Variants in NBEAL2 observed in about 807,000 individuals in gnomAD.
NBEAL2 encodes the protein neurobeachin-like protein 2.
In NBEAL2, 160 loss-of-function variants were observed where a neutral mutation model predicts 299.8. The ratio of observed to expected loss-of-function variants is 0.53; its 90% confidence interval spans 0.47 to 0.61. The LOEUF (loss-of-function observed/expected upper bound fraction) is 0.61, where lower values mean the gene tolerates loss of function less well. Among genes scored for constraint, NBEAL2 ranks in the 20% least tolerant of loss-of-function variants. NBEAL2 has a pLI of 0.00. For missense variants in NBEAL2, 3,112 were observed against 3,649.0 expected (o/e 0.85, Z 3.79); for synonymous variants, 1,493 against 1,542.3 (o/e 0.97, Z 0.75).
In NBEAL2 at chr3:46,995,296, C is replaced by G; in HGVS notation, c.1561C>G (p.Gln521Glu). The G allele has an allele frequency of 1.9e-6, 3 of 1,574,454 alleles. No individual in the cohort carries two copies. The highest frequency in any genetic ancestry group is 2.7e-5 in the African/African-American group (2 of 74,008). ...CCAAGAGCAGCTGCTGGCACTGCTA[C>G]AAGCACTGGGCCGTGTATCAATAAG... The part of the protein sequence containing the change: ...RCQEQLLALL[Q>E]ALGRVSIRPM... The change falls in exon 13 of 54, where the codon CAA becomes GAA. Residue 521 changes from glutamine (Q) to glutamate (E), a missense_variant. Gln to Glu is a conservative substitution (Grantham distance 29). Coordinates refer to ENST00000450053, the MANE Select transcript of NBEAL2 (RefSeq NM_015175.3).
intron 17 of NBEAL2, 41 bp downstream of exon 17, chr3:46,996,874 T>C: frequency 3.1e-6 from 5 of 1,609,750 alleles, no homozygotes; most frequent in Non-Finnish European, 4.2e-6. Flanking sequence ...TCGACTGTGC[T>C]ACTTCCCCGG....
intron 1 of NBEAL2, among the ~76,000 whole-genome samples, chr3:46,987,586 C>T (rs144030914): frequency 1.3e-5 from 2 of 152,304 alleles, no homozygotes; most frequent in East Asian, 1.9e-4. Context: ...CAGGACATGG[C>T]GGGCGGCGGG....
At position 46,989,458 on chromosome 3, in the gene NBEAL2, A is replaced by T. The variant is rs536437826; in HGVS notation, c.474-53A>T. ...GCCGCGCTGGGCCCAAGGAGGGGTGACGGCCAGGAGTGGTGAGAGCCGGGC... is the reference window on the plus strand; with the variant it reads ...GCCGCGCTGGGCCCAAGGAGGGGTGTCGGCCAGGAGTGGTGAGAGCCGGGC... On this transcript the variant is annotated intron_variant, in intron 5 of 53. Transcript: ENST00000450053. This position sits in a 1 kb window ranked among gnomAD's most constrained non-coding sequence, Gnocchi z 5.5. The T allele has an allele frequency of 3.3e-5, 52 of 1,565,562 alleles. 2 individuals are homozygous for T. The South Asian group carries it at 5.9e-4, about 18-fold the overall frequency.
In NBEAL2 at chr3:47,003,433, T is replaced by G. The variant is rs1312774865; in HGVS notation, c.5720+124T>G. Reference sequence around the variant, plus strand: ...CTTCTGCTGCCCGACTACGTCCCCCTGAAGGGACTGTCCAAAGCCAGATGG... The same window carrying G: ...CTTCTGCTGCCCGACTACGTCCCCCGGAAGGGACTGTCCAAAGCCAGATGG... On this transcript the variant is annotated intron_variant, in intron 35 of 53. Transcript: ENST00000450053. This position sits in a 1 kb window ranked among gnomAD's most constrained non-coding sequence, Gnocchi z 7.0. 3 of 1,365,750 alleles carry G rather than the reference T, an allele frequency of 2.2e-6. No individual in the cohort carries two copies. Among genetic ancestry groups the G allele is most frequent in the Non-Finnish European group, 3.0e-6 (3 of 1,013,430 alleles). 84.6% of individuals were successfully genotyped at this position (1,365,750 alleles called of 1,614,324 possible).
chr3:47,004,001 G>T lies in NBEAL2; in HGVS notation c.5881+25G>T. Reference sequence around the variant, plus strand: ...GGTGCGTCCTGGTGGTGTGGTTTAGGAGGATGGCAGGGAATGGCTGAGCTC... The same window carrying T: ...GGTGCGTCCTGGTGGTGTGGTTTAGTAGGATGGCAGGGAATGGCTGAGCTC... On this transcript the variant is annotated intron_variant, in intron 36 of 53. Coordinates refer to ENST00000450053, the MANE Select transcript of NBEAL2 (RefSeq NM_015175.3). The surrounding 1 kb of genome is among the most constrained non-coding windows in gnomAD (Gnocchi z 5.0). 2 of 1,609,274 alleles carry T rather than the reference G, an allele frequency of 1.2e-6. No homozygotes were observed. Among genetic ancestry groups the T allele is most frequent in the Non-Finnish European group, 8.5e-7 (1 of 1,176,322 alleles).
At position 47,002,759 on chromosome 3, in the gene NBEAL2, C is replaced by T; in HGVS notation, c.5416C>T (p.Leu1806=). The T allele has an allele frequency of 6.4e-7, 1 of 1,564,670 alleles. No homozygotes were observed. Among genetic ancestry groups the T allele is most frequent in the Non-Finnish European group, 8.6e-7 (1 of 1,159,140 alleles). Residue 1806 remains leucine, a synonymous_variant, in exon 33 of 54, where the codon CTG becomes TTG. Coordinates refer to ENST00000450053, the MANE Select transcript of NBEAL2 (RefSeq NM_015175.3). The part of the protein sequence containing the change: ...HSMALLHWGA[L]WRQLASPCGA... ...CATGGCCCTGCTGCACTGGGGGGCG[C>T]TGTGGCGCCAGCTCGCCAGCCCATG...
Position 47,009,033 on chromosome 3 carries a change from G to A in NBEAL2, c.8072G>A (p.Arg2691His), listed in dbSNP as rs1190462995. The A allele has an allele frequency of 6.2e-7, 1 of 1,601,110 alleles. No individual in the cohort carries two copies. The highest frequency in any genetic ancestry group is 8.5e-7 in the Non-Finnish European group (1 of 1,179,790). The change falls in exon 53 of 54, where the codon CGC becomes CAC. Residue 2691 changes from arginine (R) to histidine (H), a missense_variant. Around this residue, in one of 3 missense-constraint regions of NBEAL2, gnomAD observed 348 missense variants for 381.4 expected, o/e 0.91. Coordinates refer to ENST00000450053, the MANE Select transcript of NBEAL2 (RefSeq NM_015175.3). Reference protein sequence around the residue: ...APPLPMKVAIRSVAVTKERSH... With the variant: ...APPLPMKVAIHSVAVTKERSH... ...CCCTTGCCCATGAAGGTGGCCATCC[G>A]CAGCGTGGCCGTGACCAAGGAGCGC...
chr3:46,997,820 T>C (rs1016736734), intron 20 of NBEAL2, 126 bp downstream of exon 20: 1 of 1,338,292 alleles, frequency 7.5e-7, no homozygotes, highest in Non-Finnish European at 9.8e-7. Context: ...GAGTGGGGCC[T>C]GAAAGGCCGA....
intron 48 of NBEAL2, 48 bp from the exon 49 acceptor site, chr3:47,007,768 G>A: frequency 6.2e-7 from 1 of 1,608,644 alleles, no homozygotes; most frequent in Non-Finnish European, 8.5e-7. Flanking sequence ...GCTGGCCAGG[G>A]CGGATGTGAC....
In NBEAL2 at chr3:46,997,606, T is replaced by TGC. The variant is rs1275185330; in HGVS notation, c.2872_2873dup (p.Asn959GlyfsTer9). On this transcript the variant is annotated frameshift_variant, in exon 20 of 54. Coordinates refer to ENST00000450053, the MANE Select transcript of NBEAL2 (RefSeq NM_015175.3). LOFTEE classifies it high-confidence loss of function. Reference sequence around the variant, plus strand: ...GCAGTGGCTGCTTTTCTGCTGATGCTGCGGAACTTCCTTCAGGGTCACATG... The same window carrying TGC: ...GCAGTGGCTGCTTTTCTGCTGATGCTGCGCGGAACTTCCTTCAGGGTCACATG... 6.2e-7 allele frequency: 1 copy of TGC among 1,600,640 alleles called. No homozygotes were observed. The highest frequency in any genetic ancestry group is 8.5e-7 in the Non-Finnish European group (1 of 1,170,156).
intron 10 of NBEAL2, 129 bp downstream of exon 10, chr3:46,992,684 C>T: frequency 1.2e-6 from 1 of 864,512 alleles, no homozygotes; most frequent in Non-Finnish European, 1.8e-6. Context: ...GGTGTGGGTC[C>T]TCCATGCTGT....
Position 47,002,395 on chromosome 3 carries a change from G to A in NBEAL2, c.5176G>A (p.Glu1726Lys), listed in dbSNP as rs775920047. 1.2e-5 allele frequency: 19 copies of A among 1,613,538 alleles called. No individual in the cohort carries two copies. The highest frequency in any genetic ancestry group is 8.9e-5 in the East Asian group (4 of 44,884). Reference sequence around the variant, plus strand: ...GGTACAGCCAACCATGTCCCAGTTCGAAATGGACACGTATGCTAAGAGCCA... The same window carrying A: ...GGTACAGCCAACCATGTCCCAGTTCAAAATGGACACGTATGCTAAGAGCCA... Reference protein sequence around the residue: ...KQVQPTMSQFEMDTYAKSHDL... With the variant: ...KQVQPTMSQFKMDTYAKSHDL... The change falls in exon 32 of 54, where the codon GAA becomes AAA. Residue 1726 changes from glutamate to lysine, a missense_variant. Physicochemically the swap from Glu to Lys is moderately conservative, Grantham distance 56 (BLOSUM62 1). Around this residue, in one of 3 missense-constraint regions of NBEAL2, gnomAD observed 2,243 missense variants for 2,538.1 expected, o/e 0.88. Transcript: ENST00000450053.
rs1313238571 is a variant in NBEAL2, at chr3:47,000,096, C to G, written c.3997C>G (p.Leu1333Val). ...ESPAEPSDVF[L>V]PSEAPCPDPD... ...ACCTGCTGAGCCTTCAGATGTCTTC[C>G]TGCCCTCAGAGGCCCCCTGCCCTGA... The change falls in exon 27 of 54, where the codon CTG becomes GTG. Residue 1333 changes from leucine to valine, a missense_variant. Physicochemically the swap from Leu to Val is conservative, Grantham distance 32. Transcript: ENST00000450053. This position sits in a 1 kb window ranked among gnomAD's most constrained non-coding sequence, Gnocchi z 4.5. 3 of 1,613,792 alleles carry G rather than the reference C, an allele frequency of 1.9e-6. No homozygotes were observed.
Position 46,989,566 on chromosome 3 carries a change from C to T in NBEAL2, c.529C>T (p.Pro177Ser). ...ATACAAGTTCCCTCCTGCTGCTTTG[C>T]CCCAGGAATTCAGCGCCTTCTTCCA... Reference protein sequence around the residue: ...SKYKFPPAALPQEFSAFFQES... With the variant: ...SKYKFPPAALSQEFSAFFQES... The change falls in exon 6 of 54, where the codon CCC (proline) becomes TCC (serine). Residue 177 changes from proline to serine, a missense_variant. Pro to Ser is a moderately conservative substitution (Grantham distance 74). This residue lies in a region of NBEAL2 where 2,243 missense variants were observed against 2,538.1 expected (regional missense o/e 0.88). Coordinates refer to ENST00000450053, the MANE Select transcript of NBEAL2 (RefSeq NM_015175.3). The surrounding 1 kb of genome is among the most constrained non-coding windows in gnomAD (Gnocchi z 5.5). The T allele has an allele frequency of 6.3e-7, 1 of 1,596,836 alleles. No homozygotes were observed. Among genetic ancestry groups the T allele is most frequent in the Non-Finnish European group, 8.5e-7 (1 of 1,171,544 alleles).
In NBEAL2 at chr3:47,001,698, G is replaced by A. The variant is rs201658031; in HGVS notation, c.4654G>A (p.Gly1552Ser). 5.5e-5 allele frequency: 88 copies of A among 1,613,474 alleles called. No individual in the cohort carries two copies. The African/African-American group carries it at 1.1e-3, about 20-fold the overall frequency. ...QELWSEKLFE[G>S]VCSLLDRLGA... ...CTGTTTTCTGTGGCAGCTCTTTGAAGGTGTATGCAGCCTACTTGATCGCCT... is the reference window on the plus strand; with the variant it reads ...CTGTTTTCTGTGGCAGCTCTTTGAAAGTGTATGCAGCCTACTTGATCGCCT... The change falls in exon 30 of 54, where the codon GGT becomes AGT. Residue 1552 changes from glycine (G) to serine (S), a missense_variant. This residue lies in a region of NBEAL2 where 2,243 missense variants were observed against 2,538.1 expected (regional missense o/e 0.88). Coordinates refer to ENST00000450053, the MANE Select transcript of NBEAL2 (RefSeq NM_015175.3). This position sits in a 1 kb window ranked among gnomAD's most constrained non-coding sequence, Gnocchi z 6.1.
rs2036910656 is a variant in NBEAL2 at position 47,000,717 on chromosome 3, G to T, written c.4306-284G>T. ...GCAAACTCCAAAGGCCCTGCCCTGG[G>T]CTTCTGGGTTTGGGGATGGGCCTCT... On this transcript the variant is annotated intron_variant, in intron 27 of 53. Transcript: ENST00000450053. The surrounding 1 kb of genome is among the most constrained non-coding windows in gnomAD (Gnocchi z 4.5). 6.6e-6 allele frequency among the ~76,000 whole-genome samples: 1 copy of T among 152,224 alleles called. No homozygotes were observed. Among genetic ancestry groups the T allele is most frequent in the Non-Finnish European group, 1.5e-5 (1 of 68,040 alleles).
At position 46,999,364 on chromosome 3, in the gene NBEAL2, A is replaced by G; in HGVS notation, c.3593A>G (p.Gln1198Arg). Residue 1198 changes from glutamine (Q) to arginine (R), a missense_variant, in exon 25 of 54, where the codon CAG (glutamine) becomes CGG (arginine). By Grantham distance (43) the Gln-to-Arg change is conservative. Around this residue, in one of 3 missense-constraint regions of NBEAL2, gnomAD observed 2,243 missense variants for 2,538.1 expected, o/e 0.88. Coordinates refer to ENST00000450053, the MANE Select transcript of NBEAL2 (RefSeq NM_015175.3). Reference sequence around the variant, plus strand: ...GAGCGGCTACCTGAGCGGAGCCGCCAGCGCCTCCGGCTGCGGGAGTGTGGT... The same window carrying G: ...GAGCGGCTACCTGAGCGGAGCCGCCGGCGCCTCCGGCTGCGGGAGTGTGGT... The part of the protein sequence containing the change: ...QNERLPERSR[Q>R]RLRLRECGLQ... The G allele has an allele frequency of 6.2e-7, 1 of 1,610,868 alleles. No individual in the cohort carries two copies. Among genetic ancestry groups the G allele is most frequent in the Middle Eastern group, 1.7e-4 (1 of 6,056 alleles).
intron 9 of NBEAL2, 87 bp downstream of exon 9, chr3:46,992,033 C>A: frequency 8.4e-7 from 1 of 1,189,288 alleles, no homozygotes; most frequent in Non-Finnish European, 1.2e-6. Flanking sequence ...GCTGAGCAAA[C>A]ATGGGCTGGA....
rs916762367 is a variant in NBEAL2, at chr3:47,000,457, T to C, written c.4305+53T>C. 2.0e-5 allele frequency: 30 copies of C among 1,532,756 alleles called. No homozygotes were observed. Among genetic ancestry groups the C allele is most frequent in the African/African-American group, 5.5e-5 (4 of 72,624 alleles). The allele number at this position is 1,532,756 out of a possible 1,614,324, so 94.9% of individuals were successfully genotyped here. ...CATGGTACCCAAGGGAGGACACTTC[T>C]GGTACACAGGGCTGGCAGTGTAGCC... On this transcript the variant is annotated intron_variant, in intron 27 of 53. Coordinates refer to ENST00000450053, the MANE Select transcript of NBEAL2 (RefSeq NM_015175.3). This position sits in a 1 kb window ranked among gnomAD's most constrained non-coding sequence, Gnocchi z 4.5.
Sources: allele counts gnomAD v4.1 joint callset (sites outside exome capture counted in the v4.1 genomes callset), GRCh38; gene constraint gnomAD v4.1.1; regional missense constraint gnomAD v4.1.1; non-coding constraint Gnocchi (gnomAD v3.1); transcripts MANE v1.5; gene names NCBI Gene and HGNC (gene_info 2026-07-23, HGNC 2026-07-21).